Variants in MACROD2 observed in about 807,000 individuals in gnomAD.
MACROD2 encodes mono-ADP ribosylhydrolase 2.
Under a neutral mutation model 70.4 loss-of-function variants are expected in MACROD2, and 36 were observed. The ratio of observed to expected loss-of-function variants is 0.51; its 90% CI spans 0.39 to 0.68. MACROD2 has a LOEUF of 0.68. MACROD2 is among the 30% of genes least tolerant of loss of function. The pLI is 0.00. For synonymous variants in MACROD2, 172 were observed against 178.8 expected (o/e 0.96, Z 0.30); for missense variants, 496 against 538.4 (o/e 0.92, Z 0.78).
At chr20:14,873,598 C>T (rs1032926754) in intron 5 of MACROD2, among the ~76,000 whole-genome samples, 6 of 152,132 alleles carry the variant, frequency 3.9e-5, no homozygotes, top group Non-Finnish European at 8.8e-5. Flanking sequence ...TGCAATGGCT[C>T]ACACCTGTAA....
intron 3 of MACROD2, among the ~76,000 whole-genome samples, chr20:14,422,526 G>A (rs371509800): frequency 6.7e-6 from 1 of 150,304 alleles, no homozygotes; most frequent in Non-Finnish European, 1.5e-5. Context: ...ATTTTTTTTT[G>A]TAGTGAAAAG....
chr20:14,064,707 C>T (rs1037987077), intron 2 of MACROD2, among the ~76,000 whole-genome samples: 4 of 152,158 alleles, frequency 2.6e-5, no homozygotes, highest in African/African-American at 9.7e-5. Context: ...CCTTTCAATC[C>T]TACTTATTGG....
At chr20:15,804,317 G>A (rs948139397) in intron 8 of MACROD2, among the ~76,000 whole-genome samples, 9 of 152,138 alleles carry the variant, frequency 5.9e-5, no homozygotes, top group Admixed American at 2.0e-4. Context: ...ATGTGTATAC[G>A]AAATCCTTAT....
chr20:15,642,952 G>A (rs1315033485), intron 8 of MACROD2, among the ~76,000 whole-genome samples: 2 of 152,020 alleles, frequency 1.3e-5, no homozygotes, highest in Admixed American at 6.6e-5. Flanking sequence ...ACCACGCATG[G>A]GCCCTTATAA....
At chr20:15,106,130 T>TAGTCTGTA (rs1178362583) in intron 5 of MACROD2, among the ~76,000 whole-genome samples, 1 of 152,178 alleles carries the variant, frequency 6.6e-6, no homozygotes, top group East Asian at 1.9e-4. Flanking sequence ...TAAAGTGCCA[T>TAGTCTGTA]AGTCTGTATT....
chr20:15,936,688 T>TA (rs11473996), intron 11 of MACROD2, among the ~76,000 whole-genome samples: 7 of 150,686 alleles, frequency 4.6e-5, no homozygotes, highest in Admixed American at 1.3e-4. Flanking sequence ...TATATATATA[T>TA]TCATTTTCCA....
At chr20:14,074,428 A>G (rs2053890796) in intron 2 of MACROD2, among the ~76,000 whole-genome samples, 2 of 152,092 alleles carry the variant, frequency 1.3e-5, no homozygotes, top group Non-Finnish European at 1.5e-5. Flanking sequence ...TTGATCTGGG[A>G]TCTGTTGATG....
At chr20:16,007,743 T>G (rs561592971) in intron 15 of MACROD2, among the ~76,000 whole-genome samples, 29 of 152,240 alleles carry the variant, frequency 1.9e-4, no homozygotes, top group Non-Finnish European at 3.5e-4. Context: ...CTGACATTTA[T>G]TATCTAACTT....
intron 4 of MACROD2, among the ~76,000 whole-genome samples, chr20:14,648,908 C>G (rs1240311460): frequency 1.3e-5 from 2 of 152,132 alleles, no homozygotes; most frequent in African/African-American, 4.8e-5. Context: ...GCTCCTTTCT[C>G]TCATCTGGAA....
chr20:14,433,501 A>C (rs1301591456), intron 3 of MACROD2, among the ~76,000 whole-genome samples: 1 of 152,200 alleles, frequency 6.6e-6, no homozygotes, highest in African/African-American at 2.4e-5. Flanking sequence ...AAGAAACCCA[A>C]GTACTTCAAG....
intron 10 of MACROD2, among the ~76,000 whole-genome samples, chr20:15,890,734 G>A (rs755551024): frequency 1.7e-4 from 26 of 152,240 alleles, no homozygotes; most frequent in Middle Eastern, 3.4e-3. Context: ...TCTATCAAAT[G>A]TGGGGTTTTT....
intron 2 of MACROD2, among the ~76,000 whole-genome samples, chr20:14,074,130 T>A (rs2053885887): frequency 6.6e-6 from 1 of 152,176 alleles, no homozygotes. Flanking sequence ...GTGTTTCCTC[T>A]TAGTGATTTT....
At chr20:15,342,013 C>G (rs2078115540) in intron 6 of MACROD2, among the ~76,000 whole-genome samples, 1 of 151,850 alleles carries the variant, frequency 6.6e-6, no homozygotes, top group Admixed American at 6.6e-5. Context: ...TTGATCACAC[C>G]ACTGTACTTC....
intron 8 of MACROD2, among the ~76,000 whole-genome samples, chr20:15,519,538 T>A (rs2047622405): frequency 6.6e-6 from 1 of 152,232 alleles, no homozygotes; most frequent in Admixed American, 6.5e-5. Flanking sequence ...AAAGAAACTT[T>A]TTATATGAAA....
chr20:15,809,435 C>T lies in MACROD2; in HGVS notation c.646-53310C>T, dbSNP rs192733428. On this transcript the variant is annotated intron_variant, in intron 8 of 17. Coordinates refer to ENST00000684519, the MANE Select transcript of MACROD2 (RefSeq NM_001351661.2). ...GGTTCTGCAGGCTGTACAAGAAGCA[C>T]GGCTTCAGCATCTGCTTCTAGGAGG... Among the ~76,000 whole-genome samples the T allele has an allele frequency of 3.3e-5, 5 of 152,280 alleles. No homozygotes were observed. The East Asian group carries it at 7.7e-4, about 23-fold the overall frequency.
intron 10 of MACROD2, among the ~76,000 whole-genome samples, chr20:15,905,567 T>A (rs2065134566): frequency 6.6e-6 from 1 of 152,236 alleles, no homozygotes; most frequent in African/African-American, 2.4e-5. Flanking sequence ...TTGTTTTCAA[T>A]GTTGACACCA....
rs187571016 is a variant in MACROD2, at chr20:14,195,555, G to T, written c.271+109827G>T. ...AAGACCACCTTGGTCTGCCACGCCC[G>T]CATCCTGTGCCTATAAAAACCCCCG... On this transcript the variant is annotated intron_variant, in intron 3 of 17. Coordinates refer to ENST00000684519, the MANE Select transcript of MACROD2 (RefSeq NM_001351661.2). Among the ~76,000 whole-genome samples, 39 of 151,940 alleles carry T rather than the reference G, an allele frequency of 2.6e-4. 1 individual carries two copies. In the East Asian group the frequency reaches 7.4e-3, roughly 29 times the overall value.
chr20:15,286,584 G>T (rs2077494027), intron 6 of MACROD2, among the ~76,000 whole-genome samples: 1 of 150,858 alleles, frequency 6.6e-6, no homozygotes, highest in African/African-American at 2.4e-5. Context: ...GCCAGGTGGA[G>T]ACGAGGGCTA....
At chr20:14,041,586 G>A (rs76918600) in intron 2 of MACROD2, among the ~76,000 whole-genome samples, 3,541 of 152,264 alleles carry the variant, frequency 0.023, 57 homozygotes, top group Middle Eastern at 0.037. Context: ...AAAATTTTGA[G>A]GCTTTCTAGA....
Sources: gnomAD v4.1 joint callset for allele counts (sites outside exome capture counted in the v4.1 genomes callset) on GRCh38, gnomAD v4.1.1 for gene constraint, MANE v1.5 for transcripts, NCBI Gene and HGNC (gene_info 2026-07-23, HGNC 2026-07-21) for gene names.